Variants in HLTF observed in about 807,000 individuals in gnomAD.
HLTF encodes helicase like transcription factor.
In HLTF, 127 loss-of-function variants were observed where a neutral mutation model predicts 129.4. The observed-to-expected ratio is 0.98, with a 90% CI of 0.85 to 1.14. HLTF has a LOEUF of 1.14. Among genes scored for constraint, HLTF ranks in the 50% most tolerant of loss-of-function variants. The probability of loss-of-function intolerance (pLI) is 0.00; values close to 1 mark genes in which losing one functional copy is unlikely to be tolerated. For missense variants in HLTF, 1,139 were observed against 1,187.1 expected, an observed-to-expected ratio of 0.96 and a Z score of 0.60; for synonymous variants, 332 against 388.8, an observed-to-expected ratio of 0.85 and a Z score of 1.72.
chr3:149,052,230 T>C (rs893322209), intron 14 of HLTF: 2 of 151,626 alleles, frequency 1.3e-5, no homozygotes, highest in Admixed American at 6.6e-5. Context: ...AATTTTTGAA[T>C]CTTGATGAGT....
In HLTF at chr3:149,084,805, T is replaced by C; in HGVS notation, c.105A>G (p.Pro35=). The C allele has an allele frequency of 6.2e-7, 1 of 1,613,908 alleles. No individual in the cohort carries two copies. The highest frequency in any genetic ancestry group is 8.5e-7 in the Non-Finnish European group (1 of 1,179,902). ...FPRLSYPTFF[P]RFEFQDVIPP... is the part of the protein sequence containing the mutation. Reference sequence around the variant, plus strand: ...GGATAACATCTTGGAATTCAAAACGTGGAAAGAAAGTTGGATATGAGAGGC... The same window carrying C: ...GGATAACATCTTGGAATTCAAAACGCGGAAAGAAAGTTGGATATGAGAGGC... The change falls in exon 2 of 25, where the codon CCA becomes CCG. Residue 35 remains proline (P), a synonymous_variant. Transcript: ENST00000310053.
At chr3:149,050,520 AAAAT>A (rs1352559292) in intron 14 of HLTF, 145 bp from the exon 15 acceptor site, 2 of 466,878 alleles carry the variant, frequency 4.3e-6, no homozygotes, top group African/African-American at 4.0e-5. Flanking sequence ...AGTCTAGACC[AAAAT>A]AATAACAATA....
rs1435085973 is a variant in HLTF at position 149,039,235 on chromosome 3, G to C, written c.2616-6C>G. On this transcript the variant is annotated splice_region_variant and splice_polypyrimidine_tract_variant and intron_variant, in intron 22 of 24. Coordinates refer to ENST00000310053, the MANE Select transcript of HLTF (RefSeq NM_003071.4). ...TAAACACAAATCCAGAGGCTCTAAA[G>C]GGGGGAAGAAAAGAGACAAGTAACA... 9 of 1,517,092 alleles carry C rather than the reference G, an allele frequency of 5.9e-6. No homozygotes were observed. The highest frequency in any genetic ancestry group is 1.4e-5 in the African/African-American group (1 of 70,802). 94.0% of individuals were successfully genotyped at this position (1,517,092 alleles called of 1,614,324 possible). A position where few individuals can be genotyped will look rare whatever the true frequency, so the allele number is the denominator to read the frequency against.
intron 15 of HLTF, 56 bp from the exon 16 acceptor site, chr3:149,049,057 A>G: frequency 8.2e-7 from 1 of 1,222,732 alleles, no homozygotes; most frequent in South Asian, 1.3e-5. Context: ...ATAGTACTTA[A>G]TATGATTTGC....
At chr3:149,043,999 A>G (rs2107973280) in intron 18 of HLTF, among the ~76,000 whole-genome samples, 1 of 152,284 alleles carries the variant, frequency 6.6e-6, no homozygotes, top group Admixed American at 6.5e-5. Flanking sequence ...CTGAATATTC[A>G]AGAATGCAAG....
chr3:149,063,201 A>G, intron 10 of HLTF: 5 of 443,346 alleles, frequency 1.1e-5, no homozygotes, highest in South Asian at 9.1e-5. Context: ...CTGGGACTAC[A>G]GGCGCCCACG....
In HLTF at chr3:149,086,298, C is replaced by T. The variant is rs562396833; in HGVS notation, c.20+19G>A. ...CCAGGCCGTTAGACCGAGCGCCCCA[C>T]CCCCTCCGCCCCCTTCACCTCTTGA... On this transcript the variant is annotated intron_variant, in intron 1 of 24. Transcript: ENST00000310053. The T allele has an allele frequency of 6.3e-5, 101 of 1,601,210 alleles. No homozygotes were observed. Among genetic ancestry groups the T allele is most frequent in the South Asian group, 6.3e-4 (56 of 88,786 alleles).
chr3:149,059,851 C>G (rs759085122), intron 12 of HLTF, 44 bp from the exon 13 acceptor site: 1 of 1,241,426 alleles, frequency 8.1e-7, no homozygotes, highest in South Asian at 1.3e-5. Context: ...CAAATTATCT[C>G]CTGTGCTAGA....
intron 20 of HLTF, 172 bp from the exon 21 acceptor site, chr3:149,040,328 A>G: frequency 1.8e-6 from 1 of 562,366 alleles, no homozygotes; most frequent in South Asian, 2.3e-5. Context: ...TGAACTCCAG[A>G]CATAATGTGG....
intron 21 of HLTF, 34 bp downstream of exon 21, chr3:149,039,993 AAAAC>A (rs1708037182): frequency 6.4e-7 from 1 of 1,566,316 alleles, no homozygotes; most frequent in Non-Finnish European, 8.7e-7. Flanking sequence ...ATATAAAGGT[AAAAC>A]AAATACTCAA....
In HLTF at chr3:149,064,840, C is replaced by T; in HGVS notation, c.1017G>A (p.Met339Ile). 1 of 1,598,056 alleles carries T rather than the reference C, an allele frequency of 6.3e-7. No individual in the cohort carries two copies. The highest frequency in any genetic ancestry group is 8.6e-7 in the Non-Finnish European group (1 of 1,166,088). ...KKEYNVNDDS[M>I]KLGGNNTSEK... Reference sequence around the variant, plus strand: ...CACTGGTATTGTTTCCTCCAAGTTTCATAGAGTCATCGTTAACATTATATT... The same window carrying T: ...CACTGGTATTGTTTCCTCCAAGTTTTATAGAGTCATCGTTAACATTATATT... Residue 339 changes from methionine (M) to isoleucine (I), a missense_variant, in exon 9 of 25, where the codon ATG becomes ATA. Met to Ile is a conservative substitution (Grantham distance 10, BLOSUM62 1). Coordinates refer to ENST00000310053, the MANE Select transcript of HLTF (RefSeq NM_003071.4).
At chr3:149,040,979 CTA>C (rs1375512677) in intron 20 of HLTF, among the ~76,000 whole-genome samples, 2 of 152,132 alleles carry the variant, frequency 1.3e-5, no homozygotes, top group African/African-American at 4.8e-5. Context: ...ACAAAAGAAT[CTA>C]GACCTACCTT....
At chr3:149,076,923 G>A (rs1719408638) in intron 2 of HLTF, among the ~76,000 whole-genome samples, 2 of 152,066 alleles carry the variant, frequency 1.3e-5, no homozygotes, top group African/African-American at 2.4e-5. Flanking sequence ...CTGAATATCA[G>A]TACTTCAGTC....
rs767608090 is a variant in HLTF at position 149,073,255 on chromosome 3, C to T, written c.597G>A (p.Val199=). 14 of 1,612,282 alleles carry T rather than the reference C, an allele frequency of 8.7e-6. No homozygotes were observed. In the South Asian group the frequency reaches 1.3e-4, roughly 15 times the overall value. The part of the protein sequence containing the change: ...GRAGPSYSMP[V]HAAVQMTTEQ... Reference sequence around the variant, plus strand: ...CAGTTGTCATCTGTACTGCAGCATGCACTGGCATACTATAGCTTGGTCCAG... The same window carrying T: ...CAGTTGTCATCTGTACTGCAGCATGTACTGGCATACTATAGCTTGGTCCAG... The change falls in exon 5 of 25, where the codon GTG becomes GTA. Residue 199 remains valine, a synonymous_variant. Coordinates refer to ENST00000310053, the MANE Select transcript of HLTF (RefSeq NM_003071.4).
intron 14 of HLTF, 100 bp from the exon 15 acceptor site, chr3:149,050,475 C>A: frequency 1.5e-6 from 1 of 664,210 alleles, no homozygotes; most frequent in South Asian, 3.0e-5. Flanking sequence ...GTGACAAATC[C>A]AACTACTAAA....
intron 12 of HLTF, 40 bp downstream of exon 12, chr3:149,060,603 A>C: frequency 6.8e-7 from 1 of 1,467,388 alleles, no homozygotes; most frequent in African/African-American, 1.4e-5. Context: ...TACTTTAATA[A>C]TCTTGAAGTC....
rs1716199723 is a variant in HLTF at position 149,042,308 on chromosome 3, A to G, written c.2073-18T>C. ...TAAAATACCTAGAGATTAAAATGTC[A>G]AATATTATTAAGTCCGCTAAACAAT... On this transcript the variant is annotated intron_variant, in intron 18 of 24. Coordinates refer to ENST00000310053, the MANE Select transcript of HLTF (RefSeq NM_003071.4). 7.5e-6 allele frequency: 12 copies of G among 1,593,724 alleles called. No individual in the cohort carries two copies. Among genetic ancestry groups the G allele is most frequent in the East Asian group, 2.2e-5 (1 of 44,650 alleles).
Position 149,048,121 on chromosome 3 carries a change from A to G in HLTF, c.1799T>C (p.Leu600Pro). The change falls in exon 17 of 25, where the codon CTT becomes CCT. Residue 600 changes from leucine to proline, a missense_variant. By Grantham distance (98) the Leu-to-Pro change is moderately conservative (BLOSUM62 -3). Transcript: ENST00000310053. Reference sequence around the variant, plus strand: ...AAATGGTTTAAGTTTTAAAAAGGAAAGAAGAGACCACAAGTCCTTTAAAGA... The same window carrying G: ...AAATGGTTTAAGTTTTAAAAAGGAAGGAAGAGACCACAAGTCCTTTAAAGA... Reference protein sequence around the residue: ...QNSLKDLWSLLSFLKLKPFID... With the variant: ...QNSLKDLWSLPSFLKLKPFID... The G allele has an allele frequency of 6.2e-7, 1 of 1,612,728 alleles. No individual in the cohort carries two copies. The highest frequency in any genetic ancestry group is 1.1e-5 in the South Asian group (1 of 90,936).
At chr3:149,040,766 G>C (rs1292084865) in intron 20 of HLTF, among the ~76,000 whole-genome samples, 3 of 152,024 alleles carry the variant, frequency 2.0e-5, no homozygotes, top group Non-Finnish European at 4.4e-5. Context: ...AGAGGGAGAG[G>C]GTAAATGGTT....
Sources: gnomAD v4.1 joint callset for allele counts (sites outside exome capture counted in the v4.1 genomes callset) on GRCh38, gnomAD v4.1.1 for gene constraint, MANE v1.5 for transcripts, NCBI Gene and HGNC (gene_info 2026-07-23, HGNC 2026-07-21) for gene names.